Variants in SPATA16 observed in about 807,000 individuals in gnomAD.
SPATA16 encodes spermatogenesis-associated protein 16.
In SPATA16, 36 loss-of-function variants were observed where a neutral mutation model predicts 63.3. The ratio of observed to expected loss-of-function variants is 0.57; its 90% CI spans 0.44 to 0.75. The LOEUF is 0.75. Ranked by LOEUF, SPATA16 falls within the 30% of genes least tolerant of loss-of-function variation. The pLI is 0.00. For missense variants in SPATA16, 646 were observed against 679.3 expected (o/e 0.95, Z 0.54); for synonymous variants, 203 against 216.7 (o/e 0.94, Z 0.56).
chr3:172,900,475 C>A (rs1732105004), intron 10 of SPATA16, among the ~76,000 whole-genome samples: 1 of 152,056 alleles, frequency 6.6e-6, no homozygotes, highest in South Asian at 2.1e-4. Flanking sequence ...AGTTTTCAGC[C>A]ACTATTTCTT....
Position 173,102,354 on chromosome 3 carries a change from G to A in SPATA16, c.612+14766C>T, listed in dbSNP as rs115344946. ...TGTTATAAAGAAATACCCAAGGGTGGGTAATTTATAAAGAAAAGACATTTA... is the reference window on the plus strand; with the variant it reads ...TGTTATAAAGAAATACCCAAGGGTGAGTAATTTATAAAGAAAAGACATTTA... On this transcript the variant is annotated intron_variant, in intron 2 of 10. Transcript: ENST00000351008. 7.9e-3 allele frequency among the ~76,000 whole-genome samples: 1,197 copies of A among 152,258 alleles called. 26 individuals carry two copies. The highest frequency in any genetic ancestry group is 0.027 in the African/African-American group (1,101 of 41,534).
intron 2 of SPATA16, among the ~76,000 whole-genome samples, chr3:173,071,096 G>T (rs1736664698): frequency 6.6e-6 from 1 of 152,076 alleles, no homozygotes; most frequent in Non-Finnish European, 1.5e-5. Context: ...ATGATATGAT[G>T]TTGACATAAA....
chr3:173,099,091 A>T lies in SPATA16; in HGVS notation c.612+18029T>A, dbSNP rs114784716. ...GACTCAGGATCACCTGAAGTAGATAATCCTCCTTCTGACATAACATCAGAA... is the reference window on the plus strand; with the variant it reads ...GACTCAGGATCACCTGAAGTAGATATTCCTCCTTCTGACATAACATCAGAA... On this transcript the variant is annotated intron_variant, in intron 2 of 10. Transcript: ENST00000351008. Among the ~76,000 whole-genome samples the T allele has an allele frequency of 8.5e-3, 1,287 of 152,290 alleles. 17 individuals carry two copies. Among genetic ancestry groups the T allele is most frequent in the African/African-American group, 0.029 (1,221 of 41,564 alleles).
chr3:173,096,299 C>G (rs549812723), intron 2 of SPATA16, among the ~76,000 whole-genome samples: 29 of 152,184 alleles, frequency 1.9e-4, no homozygotes, highest in African/African-American at 6.5e-4. Context: ...TTCTACTACT[C>G]TACAAAGAAT....
chr3:172,912,309 C>T (rs1388350386), intron 10 of SPATA16, among the ~76,000 whole-genome samples: 2 of 152,104 alleles, frequency 1.3e-5, no homozygotes, highest in Non-Finnish European at 2.9e-5. Flanking sequence ...TCAGTTAGCC[C>T]ATAAGTAGCT....
At chr3:173,062,612 T>C (rs187946982) in intron 2 of SPATA16, among the ~76,000 whole-genome samples, 1 of 152,318 alleles carries the variant, frequency 6.6e-6, no homozygotes, top group African/African-American at 2.4e-5. Context: ...AGAGCTATGA[T>C]TGAAATTCAG....
At chr3:172,961,081 C>CCTTT (rs1733769513) in intron 5 of SPATA16, among the ~76,000 whole-genome samples, 1 of 103,856 alleles carries the variant, frequency 9.6e-6, no homozygotes, top group Non-Finnish European at 2.0e-5. Flanking sequence ...TTCCTTCCTT[C>CCTTT]CTTCCTTCCT....
At chr3:173,080,371 C>T (rs1158416306) in intron 2 of SPATA16, among the ~76,000 whole-genome samples, 1 of 152,150 alleles carries the variant, frequency 6.6e-6, no homozygotes, top group Admixed American at 6.5e-5. Flanking sequence ...CAGGGCTGAA[C>T]AGAGTATTTC....
At chr3:173,097,122 C>G (rs1281534332) in intron 2 of SPATA16, among the ~76,000 whole-genome samples, 1 of 152,016 alleles carries the variant, frequency 6.6e-6, no homozygotes, top group African/African-American at 2.4e-5. Context: ...TACCGTTTTG[C>G]CTTATCATTC....
At chr3:173,050,873 A>G (rs1020339257) in intron 2 of SPATA16, among the ~76,000 whole-genome samples, 1 of 152,246 alleles carries the variant, frequency 6.6e-6, no homozygotes, top group Non-Finnish European at 1.5e-5. Context: ...AAAATTGGTA[A>G]TAAAATAGAT....
chr3:172,948,987 G>A (rs530874462), intron 6 of SPATA16, among the ~76,000 whole-genome samples: 1 of 152,268 alleles, frequency 6.6e-6, no homozygotes, highest in East Asian at 1.9e-4. Context: ...GGAATAGATA[G>A]GTGGTAATGC....
intron 4 of SPATA16, among the ~76,000 whole-genome samples, chr3:172,999,136 T>G (rs543384309): frequency 8.8e-4 from 134 of 152,320 alleles, no homozygotes; most frequent in African/African-American, 3.0e-3. Context: ...CTTATGTGTT[T>G]GTTAGAATTA....
Position 173,129,488 on chromosome 3 carries a change from C to A in SPATA16, c.-19+11615G>T, listed in dbSNP as rs75504224. ...TGCATCATCTGGCCCACAATAAGTTCTCTGAAGAGGACAGCTATTATGGTG... is the reference window on the plus strand; with the variant it reads ...TGCATCATCTGGCCCACAATAAGTTATCTGAAGAGGACAGCTATTATGGTG... On this transcript the variant is annotated intron_variant, in intron 1 of 10. Transcript: ENST00000351008. 4.2e-3 allele frequency among the ~76,000 whole-genome samples: 640 copies of A among 152,202 alleles called. 2 individuals carry two copies. The highest frequency in any genetic ancestry group is 7.2e-3 in the Non-Finnish European group (493 of 68,016).
intron 4 of SPATA16, among the ~76,000 whole-genome samples, chr3:172,984,160 A>C (rs974627847): frequency 6.6e-6 from 1 of 152,166 alleles, no homozygotes; most frequent in African/African-American, 2.4e-5. Flanking sequence ...TCTTGGGTAC[A>C]CAAGCACATT....
intron 2 of SPATA16, among the ~76,000 whole-genome samples, chr3:173,100,707 C>CACAG (rs1553803001): frequency 3.5e-5 from 5 of 143,810 alleles, no homozygotes; most frequent in African/African-American, 1.1e-4. Context: ...CACACACACA[C>CACAG]AGAGTAAATT....
chr3:172,912,729 C>T (rs149725539), intron 10 of SPATA16, among the ~76,000 whole-genome samples: 2,904 of 152,124 alleles, frequency 0.019, 30 homozygotes, highest in Middle Eastern at 0.058. Context: ...ATATACAATA[C>T]GTGTGAATCA....
chr3:172,910,659 A>G lies in SPATA16; in HGVS notation c.1587+3002T>C, dbSNP rs143164643. Among the ~76,000 whole-genome samples, 992 of 152,184 alleles carry G rather than the reference A, an allele frequency of 6.5e-3. 14 individuals are homozygous for G. The highest frequency in any genetic ancestry group is 0.023 in the African/African-American group (939 of 41,524). ...ATATTGCTTGAGTCTCATGAGGACCACGTTTGGCTGCTCTATCTCTAATTC... is the reference window on the plus strand; with the variant it reads ...ATATTGCTTGAGTCTCATGAGGACCGCGTTTGGCTGCTCTATCTCTAATTC... On this transcript the variant is annotated intron_variant, in intron 10 of 10. Transcript: ENST00000351008.
At chr3:173,118,495 G>A (rs1412746261) in intron 1 of SPATA16, among the ~76,000 whole-genome samples, 1 of 152,134 alleles carries the variant, frequency 6.6e-6, no homozygotes, top group African/African-American at 2.4e-5. Context: ...TTGATTCCAA[G>A]ATTCTGCATG....
At chr3:172,977,605 T>C (rs1309222809) in intron 4 of SPATA16, among the ~76,000 whole-genome samples, 1 of 152,180 alleles carries the variant, frequency 6.6e-6, no homozygotes, top group Non-Finnish European at 1.5e-5. Flanking sequence ...ATGTCTAGTG[T>C]GTAGACTTTC....
Sources: gnomAD v4.1 joint callset for allele counts (sites outside exome capture counted in the v4.1 genomes callset) on GRCh38, gnomAD v4.1.1 for gene constraint, MANE v1.5 for transcripts, NCBI Gene and HGNC (gene_info 2026-07-23, HGNC 2026-07-21) for gene names.